The following DLGAP1 variants were observed in gnomAD, a reference collection of about 807,000 sequenced individuals.
The protein encoded by DLGAP1 is DLG associated protein 1.
DLGAP1 carries 11 observed loss-of-function variants against 90.8 expected under a neutral mutation model. The observed-to-expected ratio is 0.12, with a 90% confidence interval of 0.08 to 0.20. DLGAP1 has a LOEUF of 0.20. Among genes scored for constraint, DLGAP1 ranks in the 10% least tolerant of loss-of-function variants. The pLI, the probability that DLGAP1 is intolerant of heterozygous loss-of-function variation, is 1.00. For synonymous variants in DLGAP1, 558 were observed against 540.7 expected (o/e 1.03, Z -0.44); for missense variants, 1,050 against 1,333.8 (o/e 0.79, Z 3.31).
At chr18:4,253,999 T>C (rs1365172970) in intron 1 of DLGAP1, among the ~76,000 whole-genome samples, 1 of 152,190 alleles carries the variant, frequency 6.6e-6, no homozygotes, top group Non-Finnish European at 1.5e-5. Flanking sequence ...GAAATTTTCA[T>C]GCTTCAGTGA....
intron 5 of DLGAP1, among the ~76,000 whole-genome samples, chr18:3,813,781 G>C (rs2066956041): frequency 6.6e-6 from 1 of 151,776 alleles, no homozygotes; most frequent in Non-Finnish European, 1.5e-5. Context: ...AAGCCATTCT[G>C]GATTCTTTTA....
intron 1 of DLGAP1, among the ~76,000 whole-genome samples, chr18:4,345,864 C>G (rs2081293727): frequency 1.3e-5 from 2 of 152,170 alleles, no homozygotes; most frequent in South Asian, 4.1e-4. Flanking sequence ...CACCTGCAAA[C>G]AGTAAATATA....
chr18:3,519,205 A>G (rs1191438476), intron 10 of DLGAP1, among the ~76,000 whole-genome samples: 1 of 152,160 alleles, frequency 6.6e-6, no homozygotes, highest in East Asian at 1.9e-4. Flanking sequence ...GTCAGAGCCC[A>G]CCTTAAGAAT....
intron 1 of DLGAP1, among the ~76,000 whole-genome samples, chr18:4,198,352 G>A (rs554056459): frequency 6.6e-6 from 1 of 152,288 alleles, no homozygotes; most frequent in African/African-American, 2.4e-5. Context: ...GAACCCAAGA[G>A]GATCTCAAAT....
intron 7 of DLGAP1, among the ~76,000 whole-genome samples, chr18:3,683,519 G>A (rs2060593029): frequency 6.6e-6 from 1 of 152,130 alleles, no homozygotes; most frequent in Non-Finnish European, 1.5e-5. Flanking sequence ...TGGGATGATA[G>A]ACGATGCATT....
chr18:3,630,435 G>T (rs1042250047), intron 7 of DLGAP1, among the ~76,000 whole-genome samples: 1 of 152,102 alleles, frequency 6.6e-6, no homozygotes, highest in Non-Finnish European at 1.5e-5. Flanking sequence ...TCCTCAGCTT[G>T]ATGACTCGAG....
intron 3 of DLGAP1, among the ~76,000 whole-genome samples, chr18:3,912,955 C>T (rs1190193191): frequency 1.3e-5 from 2 of 152,074 alleles, no homozygotes; most frequent in African/African-American, 4.8e-5. Context: ...TATAGATCAG[C>T]CCTTTGGTGT....
intron 2 of DLGAP1, among the ~76,000 whole-genome samples, chr18:4,130,936 T>G (rs2076304000): frequency 6.6e-6 from 1 of 152,094 alleles, no homozygotes; most frequent in Non-Finnish European, 1.5e-5. Context: ...CAGGGGGAAT[T>G]GCAGGAAAAT....
intron 7 of DLGAP1, among the ~76,000 whole-genome samples, chr18:3,658,199 T>A (rs1209645783): frequency 6.6e-6 from 1 of 152,204 alleles, no homozygotes; most frequent in Non-Finnish European, 1.5e-5. Flanking sequence ...TATGGTAGAA[T>A]GTAACCTCAA....
intron 3 of DLGAP1, among the ~76,000 whole-genome samples, chr18:3,961,090 G>A (rs533089966): frequency 1.3e-5 from 2 of 152,266 alleles, no homozygotes; most frequent in African/African-American, 2.4e-5. Context: ...GCCCTGGGCC[G>A]CTGGGGGAGC....
chr18:4,089,820 C>T (rs9961053), intron 2 of DLGAP1, among the ~76,000 whole-genome samples: 28,570 of 151,946 alleles, frequency 0.19, 2,972 homozygotes, highest in African/African-American at 0.28. Context: ...CCGAGGCGGG[C>T]GGATCACGAG....
intron 8 of DLGAP1, chr18:3,580,200 T>G (rs1274636507): frequency 1.2e-5 from 19 of 1,550,222 alleles, no homozygotes; most frequent in Non-Finnish European, 1.5e-5. Flanking sequence ...ACGTCCAAAG[T>G]CAAACCTCCG....
intron 3 of DLGAP1, among the ~76,000 whole-genome samples, chr18:3,999,715 T>C (rs1599298530): frequency 7.1e-5 from 1 of 14,030 alleles, no homozygotes; most frequent in African/African-American, 2.4e-4. Context: ...TTACAAATTA[T>C]TGGGGGGAAA....
intron 2 of DLGAP1, among the ~76,000 whole-genome samples, chr18:4,118,058 T>C (rs1200390756): frequency 3.3e-5 from 5 of 152,078 alleles, no homozygotes; most frequent in Admixed American, 3.3e-4. Context: ...GTCTTTCCAT[T>C]GTACCCTGTT....
intron 3 of DLGAP1, among the ~76,000 whole-genome samples, chr18:3,996,245 A>T (rs930921300): frequency 1.3e-5 from 2 of 152,150 alleles, no homozygotes; most frequent in Admixed American, 1.3e-4. Context: ...TTCTACTTGC[A>T]GCTTTAGGAC....
Position 4,157,072 on chromosome 18 carries a change from C to T in DLGAP1, c.-266-5785G>A, listed in dbSNP as rs111298524. ...ATCTATGTTTAAATCCTGTTTTAGA[C>T]GTGAAGTTTATGAAAACTAGACGGG... is the stretch of plus-strand genomic sequence containing the variant. On this transcript the variant is annotated intron_variant, in intron 1 of 12. Coordinates refer to ENST00000315677, the MANE Select transcript of DLGAP1 (RefSeq NM_004746.4). Among the ~76,000 whole-genome samples, 1,049 of 152,142 alleles carry T rather than the reference C, an allele frequency of 6.9e-3. 14 individuals carry two copies. Among genetic ancestry groups the T allele is most frequent in the Middle Eastern group, 0.048 (14 of 294 alleles).
intron 2 of DLGAP1, among the ~76,000 whole-genome samples, chr18:4,027,342 C>T (rs2074717069): frequency 6.6e-6 from 1 of 151,362 alleles, no homozygotes; most frequent in African/African-American, 2.4e-5. Context: ...CCCACCTCTA[C>T]TAAAAATACA....
At chr18:4,027,762 G>C (rs146509362) in intron 2 of DLGAP1, among the ~76,000 whole-genome samples, 3 of 152,114 alleles carry the variant, frequency 2.0e-5, no homozygotes, top group Admixed American at 1.3e-4. Flanking sequence ...CAAAAACAGA[G>C]AGATAGCAAA....
chr18:4,287,670 C>G (rs1432463029), intron 1 of DLGAP1, among the ~76,000 whole-genome samples: 2 of 151,922 alleles, frequency 1.3e-5, no homozygotes, highest in African/African-American at 2.4e-5. Flanking sequence ...AGATCACATA[C>G]CAGGGCCTGT....
Sources: gnomAD v4.1 joint callset for allele counts (sites outside exome capture counted in the v4.1 genomes callset) on GRCh38, gnomAD v4.1.1 for gene constraint, MANE v1.5 for transcripts, NCBI Gene and HGNC (gene_info 2026-07-23, HGNC 2026-07-21) for gene names.